Variants in SH3GL2 observed in about 807,000 individuals in gnomAD.
The protein encoded by SH3GL2 is SH3 domain containing GRB2 like 2, endophilin A1.
SH3GL2 carries 24 observed loss-of-function variants against 46.0 expected under a neutral mutation model. The observed-to-expected ratio is 0.52, with a 90% CI of 0.38 to 0.73. The LOEUF is 0.73. Ranked by LOEUF, SH3GL2 falls within the 30% of genes least tolerant of loss-of-function variation. SH3GL2 has a pLI of 0.00. For synonymous variants in SH3GL2, 196 were observed against 147.1 expected, an observed-to-expected ratio of 1.33 and a Z score of -2.40; for missense variants, 413 against 424.2, an observed-to-expected ratio of 0.97 and a Z score of 0.23.
intron 1 of SH3GL2, among the ~76,000 whole-genome samples, chr9:17,681,359 T>C (rs1411614688): frequency 6.6e-6 from 1 of 152,164 alleles, no homozygotes; most frequent in Non-Finnish European, 1.5e-5. Flanking sequence ...TTTTCTTTGT[T>C]GTCATTGTAT....
At position 17,735,112 on chromosome 9, in the gene SH3GL2, A is replaced by T. The variant is rs1489185277; in HGVS notation, c.46-11954A>T. Reference sequence around the variant, plus strand: ...CATGAGAAGGGGTAACCAGTCTCTTAAGTCTTTTCTTTCTAAATATTCCTC... The same window carrying T: ...CATGAGAAGGGGTAACCAGTCTCTTTAGTCTTTTCTTTCTAAATATTCCTC... On this transcript the variant is annotated intron_variant, in intron 1 of 8. Coordinates refer to ENST00000380607, the MANE Select transcript of SH3GL2 (RefSeq NM_003026.5). 3.3e-5 allele frequency among the ~76,000 whole-genome samples: 5 copies of T among 152,054 alleles called. No homozygotes were observed. The East Asian group carries it at 9.7e-4, about 29-fold the overall frequency.
At chr9:17,786,312 C>A in intron 3 of SH3GL2, 69 bp from the exon 4 acceptor site, 1 of 1,460,826 alleles carries the variant, frequency 6.8e-7, no homozygotes, top group Non-Finnish European at 9.3e-7. Context: ...AGACCTGATC[C>A]TCCATCCAGC....
At chr9:17,791,714 G>A (rs1824134853) in intron 7 of SH3GL2, among the ~76,000 whole-genome samples, 1 of 152,182 alleles carries the variant, frequency 6.6e-6, no homozygotes, top group African/African-American at 2.4e-5. Context: ...ACTAACAGAT[G>A]AGTAAACTGA....
Position 17,595,890 on chromosome 9 carries a change from A to AT in SH3GL2, c.45+16610dup, listed in dbSNP as rs968171174. 2.0e-5 allele frequency among the ~76,000 whole-genome samples: 3 copies of AT among 152,240 alleles called. No homozygotes were observed. The South Asian group carries it at 6.2e-4, about 32-fold the overall frequency. ...TATGCTATATTGTTACAGTAAGATT[A>AT]TTTTTTTAATGAACATTTGAACAGT... On this transcript the variant is annotated intron_variant, in intron 1 of 8. Coordinates refer to ENST00000380607, the MANE Select transcript of SH3GL2 (RefSeq NM_003026.5).
At chr9:17,642,864 G>T (rs898350185) in intron 1 of SH3GL2, among the ~76,000 whole-genome samples, 14 of 152,078 alleles carry the variant, frequency 9.2e-5, no homozygotes, top group African/African-American at 3.4e-4. Flanking sequence ...ATTTAAAGTA[G>T]TTTTTTCTAA....
intron 1 of SH3GL2, among the ~76,000 whole-genome samples, chr9:17,617,513 G>A (rs1819031148): frequency 6.6e-6 from 1 of 152,176 alleles, no homozygotes; most frequent in Admixed American, 6.5e-5. Context: ...CATGTTAAAG[G>A]CTTAACGTGC....
At chr9:17,773,879 C>G (rs1823565579) in intron 3 of SH3GL2, among the ~76,000 whole-genome samples, 1 of 152,010 alleles carries the variant, frequency 6.6e-6, no homozygotes, top group African/African-American at 2.4e-5. Context: ...CTTTAGATTG[C>G]TTTGAATAAT....
chr9:17,752,919 T>A (rs888077823), intron 2 of SH3GL2, among the ~76,000 whole-genome samples: 1 of 152,138 alleles, frequency 6.6e-6, no homozygotes, highest in Non-Finnish European at 1.5e-5. Context: ...GTTCTTGTGT[T>A]CTCATCATTT....
chr9:17,700,062 T>TTGTAGTGAGCCGAGATTGCGCCACTGC (rs201724373), intron 1 of SH3GL2, among the ~76,000 whole-genome samples: 1 of 151,980 alleles, frequency 6.6e-6, no homozygotes, highest in African/African-American at 2.4e-5. Flanking sequence ...AAGAAGAAAA[T>TTGTAGTGAGCCGAGATTGCGCCACTGC]AGTTCTGGCT....
intron 1 of SH3GL2, among the ~76,000 whole-genome samples, chr9:17,621,505 A>T (rs1188091848): frequency 6.6e-6 from 1 of 152,180 alleles, no homozygotes; most frequent in African/African-American, 2.4e-5. Flanking sequence ...TCTTTATTTT[A>T]TTGGAATCAA....
At chr9:17,602,209 G>A (rs1004841702) in intron 1 of SH3GL2, among the ~76,000 whole-genome samples, 12 of 152,238 alleles carry the variant, frequency 7.9e-5, no homozygotes, top group South Asian at 2.1e-4. Flanking sequence ...ACCTTCCTCA[G>A]GATCAGAGTA....
intron 1 of SH3GL2, among the ~76,000 whole-genome samples, chr9:17,669,101 A>G (rs535891308): frequency 3.9e-5 from 6 of 152,296 alleles, no homozygotes; most frequent in African/African-American, 1.4e-4. Context: ...TTTTTTAATT[A>G]AAAATTTTAT....
chr9:17,585,655 G>T (rs1446987072), intron 1 of SH3GL2, among the ~76,000 whole-genome samples: 1 of 152,210 alleles, frequency 6.6e-6, no homozygotes, highest in East Asian at 1.9e-4. Context: ...CTGTGGGCAA[G>T]TGCCTTTACT....
intron 1 of SH3GL2, among the ~76,000 whole-genome samples, chr9:17,580,347 A>G (rs1447648165): frequency 6.6e-6 from 1 of 152,190 alleles, no homozygotes; most frequent in Admixed American, 6.5e-5. Context: ...GGTTTTTCCT[A>G]GGCTACCACA....
At chr9:17,718,188 T>C (rs945728940) in intron 1 of SH3GL2, among the ~76,000 whole-genome samples, 1 of 152,162 alleles carries the variant, frequency 6.6e-6, no homozygotes, top group Admixed American at 6.6e-5. Flanking sequence ...AAAACAATTT[T>C]CTGAAGAAAG....
chr9:17,775,689 A>G (rs1823622378), intron 3 of SH3GL2, among the ~76,000 whole-genome samples: 1 of 152,224 alleles, frequency 6.6e-6, no homozygotes, highest in Non-Finnish European at 1.5e-5. Context: ...TAGGGATGAC[A>G]AAGGAATTAG....
intron 1 of SH3GL2, among the ~76,000 whole-genome samples, chr9:17,723,783 A>T (rs1385971187): frequency 3.9e-5 from 6 of 152,060 alleles, no homozygotes; most frequent in Admixed American, 6.6e-5. Context: ...GAAAAGGTAC[A>T]TGCCTTTCCT....
intron 1 of SH3GL2, among the ~76,000 whole-genome samples, chr9:17,603,356 A>G (rs1198607039): frequency 6.6e-6 from 1 of 152,226 alleles, no homozygotes; most frequent in African/African-American, 2.4e-5. Context: ...AGCTGTAAGG[A>G]CATTAAGCTA....
intron 1 of SH3GL2, among the ~76,000 whole-genome samples, chr9:17,718,892 G>A (rs531137132): frequency 6.6e-6 from 1 of 152,198 alleles, no homozygotes; most frequent in East Asian, 1.9e-4. Context: ...TGTGATATAA[G>A]GAGAATCGAT....
Sources: gnomAD v4.1 joint callset for allele counts (sites outside exome capture counted in the v4.1 genomes callset) on GRCh38, gnomAD v4.1.1 for gene constraint, MANE v1.5 for transcripts, NCBI Gene and HGNC (gene_info 2026-07-23, HGNC 2026-07-21) for gene names.